The following ROBO2 variants were observed in gnomAD, a reference collection of about 807,000 sequenced individuals.
ROBO2 encodes the protein roundabout guidance receptor 2.
A neutral mutation model predicts 160.8 loss-of-function variants in ROBO2; 53 were observed. That is an observed-to-expected ratio of 0.33 (90% CI 0.26 to 0.41). The LOEUF (loss-of-function observed/expected upper bound fraction) is 0.41. ROBO2 is among the 10% of genes least tolerant of loss of function. The pLI is 1.00. For missense variants in ROBO2, 1,577 were observed against 1,722.4 expected, an observed-to-expected ratio of 0.92 and a Z score of 1.49; for synonymous variants, 664 against 611.7, an observed-to-expected ratio of 1.09 and a Z score of -1.26.
intron 2 of ROBO2, among the ~76,000 whole-genome samples, chr3:76,691,787 G>T (rs2107233151): frequency 6.6e-6 from 1 of 152,192 alleles, no homozygotes; most frequent in African/African-American, 2.4e-5. Flanking sequence ...CCAAAGCGAT[G>T]ACCTGAAAAT....
At chr3:76,784,577 T>G (rs567065407) in intron 2 of ROBO2, among the ~76,000 whole-genome samples, 1 of 151,294 alleles carries the variant, frequency 6.6e-6, no homozygotes, top group East Asian at 2.0e-4. Flanking sequence ...TCTATGTAGA[T>G]ATATTGAGTA....
chr3:76,372,899 C>T (rs1395235871), intron 2 of ROBO2, among the ~76,000 whole-genome samples: 3 of 151,872 alleles, frequency 2.0e-5, no homozygotes, highest in African/African-American at 7.3e-5. Flanking sequence ...AACACTTGAC[C>T]ACAAATGGGG....
At chr3:75,923,541 A>T (rs1386916477) in intron 1 of ROBO2, among the ~76,000 whole-genome samples, 2 of 152,214 alleles carry the variant, frequency 1.3e-5, no homozygotes, top group African/African-American at 4.8e-5. Flanking sequence ...GCAAGTCCTC[A>T]GAGAAGTCAC....
chr3:76,098,061 A>G (rs2069526628), intron 2 of ROBO2, among the ~76,000 whole-genome samples: 1 of 152,124 alleles, frequency 6.6e-6, no homozygotes, highest in African/African-American at 2.4e-5. Context: ...TTTATATTTA[A>G]GAGTGTGGTT....
At chr3:76,741,439 A>G (rs982127181) in intron 2 of ROBO2, among the ~76,000 whole-genome samples, 7 of 152,196 alleles carry the variant, frequency 4.6e-5, no homozygotes, top group South Asian at 2.1e-4. Flanking sequence ...GTCTTTTAAC[A>G]TAAGTGAAGA....
intron 1 of ROBO2, among the ~76,000 whole-genome samples, chr3:77,081,633 T>G (rs73112411): frequency 0.066 from 10,078 of 152,278 alleles, 362 homozygotes; most frequent in East Asian, 0.13. Context: ...TTTCTATTTT[T>G]GTTATGTTGA....
chr3:76,323,465 A>G (rs749967916), intron 2 of ROBO2, among the ~76,000 whole-genome samples: 7 of 152,214 alleles, frequency 4.6e-5, no homozygotes, highest in Non-Finnish European at 8.8e-5. Context: ...CAAATTAAGT[A>G]CTAATATCAC....
chr3:75,971,066 C>CT (rs1285645745), intron 2 of ROBO2, among the ~76,000 whole-genome samples: 1 of 151,102 alleles, frequency 6.6e-6, no homozygotes, highest in Non-Finnish European at 1.5e-5. Context: ...AAAAAATTTA[C>CT]TTTTTTTCTT....
intron 3 of ROBO2, among the ~76,000 whole-genome samples, chr3:77,478,399 G>C (rs1286554059): frequency 6.6e-6 from 1 of 152,138 alleles, no homozygotes; most frequent in Non-Finnish European, 1.5e-5. Context: ...AATCAAAACA[G>C]CTGACTGATT....
At chr3:76,963,309 T>C (rs142735432) in intron 2 of ROBO2, among the ~76,000 whole-genome samples, 1 of 152,292 alleles carries the variant, frequency 6.6e-6, no homozygotes, top group East Asian at 1.9e-4. Context: ...ACTTTCAAAT[T>C]TCTAGCTAGC....
At chr3:77,598,213 C>G (rs1408114761) in intron 19 of ROBO2, among the ~76,000 whole-genome samples, 1 of 151,886 alleles carries the variant, frequency 6.6e-6, no homozygotes, top group Non-Finnish European at 1.5e-5. Context: ...TGACTGAGAA[C>G]TGAGAAGGAT....
chr3:77,126,714 T>TATATATATA (rs1560065744), intron 2 of ROBO2, among the ~76,000 whole-genome samples: 11 of 137,700 alleles, frequency 8.0e-5, no homozygotes, highest in African/African-American at 3.1e-4. Flanking sequence ...ATATATATAT[T>TATATATATA]TTTTTTCCTT....
intron 2 of ROBO2, among the ~76,000 whole-genome samples, chr3:76,492,869 C>T (rs970351022): frequency 2.6e-5 from 4 of 151,928 alleles, no homozygotes; most frequent in Non-Finnish European, 4.4e-5. Flanking sequence ...ATTTTTATAA[C>T]GATTTTAAAT....
intron 2 of ROBO2, among the ~76,000 whole-genome samples, chr3:76,052,317 A>G (rs1221914264): frequency 6.6e-6 from 1 of 152,090 alleles, no homozygotes; most frequent in Admixed American, 6.5e-5. Flanking sequence ...TCAAATATGT[A>G]TGCTAGGACT....
intron 2 of ROBO2, among the ~76,000 whole-genome samples, chr3:76,698,544 T>C (rs1242564701): frequency 6.6e-6 from 1 of 152,132 alleles, no homozygotes; most frequent in Admixed American, 6.6e-5. Context: ...GCCAAGCCAG[T>C]GTGGGTGGAC....
At chr3:76,490,082 A>C (rs1213805228) in intron 2 of ROBO2, among the ~76,000 whole-genome samples, 1 of 152,058 alleles carries the variant, frequency 6.6e-6, no homozygotes, top group African/African-American at 2.4e-5. Context: ...GCTTTTGCTT[A>C]TGTCCACCCT....
chr3:77,441,305 C>T (rs2153553867), intron 2 of ROBO2, among the ~76,000 whole-genome samples: 1 of 151,202 alleles, frequency 6.6e-6, no homozygotes, highest in Middle Eastern at 3.4e-3. Flanking sequence ...TGTATATGTG[C>T]TGATACTAGA....
chr3:76,656,019 T>C (rs1188219244), intron 2 of ROBO2, among the ~76,000 whole-genome samples: 1 of 152,162 alleles, frequency 6.6e-6, no homozygotes, highest in Non-Finnish European at 1.5e-5. Flanking sequence ...ATGTTTTAAA[T>C]CATATAGATT....
At chr3:76,167,580 T>C (rs1486889353) in intron 2 of ROBO2, among the ~76,000 whole-genome samples, 2 of 152,148 alleles carry the variant, frequency 1.3e-5, no homozygotes, top group Non-Finnish European at 2.9e-5. Flanking sequence ...ATTTGAAAAC[T>C]CCTAAAAAAT....
Sources: gnomAD v4.1 joint callset for allele counts (sites outside exome capture counted in the v4.1 genomes callset) on GRCh38, gnomAD v4.1.1 for gene constraint, MANE v1.5 for transcripts, NCBI Gene and HGNC (gene_info 2026-07-23, HGNC 2026-07-21) for gene names.